The following LRRC37A3 variants were observed in gnomAD, a reference collection of about 807,000 sequenced individuals.
LRRC37A3 encodes the protein leucine-rich repeat-containing protein 37A3.
Under a neutral mutation model 106.2 loss-of-function variants are expected in LRRC37A3, and 25 were observed. The ratio of observed to expected loss-of-function variants is 0.24; its 90% CI spans 0.17 to 0.33. The LOEUF is 0.33. LRRC37A3 is among the 10% of genes least tolerant of loss of function. The probability of loss-of-function intolerance (pLI) is 1.00; values close to 1 mark genes in which losing one functional copy is unlikely to be tolerated. For synonymous variants in LRRC37A3, 305 were observed against 635.8 expected (o/e 0.48, Z 7.83); for missense variants, 712 against 1,644.9 (o/e 0.43, Z 9.81).
At chr17:64,913,921 CCT>C in intron 2 of LRRC37A3, among the ~76,000 whole-genome samples, 1 of 152,196 alleles carries the variant, frequency 6.6e-6, no homozygotes, top group East Asian at 1.9e-4. Flanking sequence ...ACCAACTTGA[CCT>C]AATTATTATT....
At chr17:64,879,346 T>C (rs1973614641) in intron 8 of LRRC37A3, among the ~76,000 whole-genome samples, 3 of 150,700 alleles carry the variant, frequency 2.0e-5, no homozygotes, top group Admixed American at 6.6e-5. Flanking sequence ...AGTCTCAATG[T>C]AACACAAAGA....
At chr17:64,859,312 T>C (rs1329771870) in intron 12 of LRRC37A3, 130 bp downstream of exon 12, 52 of 1,030,462 alleles carry the variant, frequency 5.0e-5, no homozygotes, top group Non-Finnish European at 7.1e-5. Context: ...GGGAGATCAC[T>C]GTCATGACCA....
chr17:64,879,665 G>C (rs1973627724), intron 8 of LRRC37A3, among the ~76,000 whole-genome samples: 1 of 152,064 alleles, frequency 6.6e-6, no homozygotes, highest in South Asian at 2.1e-4. Context: ...TATCCTTCGT[G>C]ATTTTTTTTG....
chr17:64,857,125 C>G (rs1293768266), intron 13 of LRRC37A3, among the ~76,000 whole-genome samples: 4 of 152,186 alleles, frequency 2.6e-5, no homozygotes, highest in Non-Finnish European at 5.9e-5. Context: ...AGAGAATCAA[C>G]TAAGATTTTA....
intron 13 of LRRC37A3, 85 bp downstream of exon 13, chr17:64,858,694 T>C: frequency 9.8e-7 from 1 of 1,020,350 alleles, no homozygotes; most frequent in Non-Finnish European, 1.6e-6. Flanking sequence ...GGTGGGAAAG[T>C]GGCTTTGGTT....
rs1359784176 is a variant in LRRC37A3 at position 64,860,919 on chromosome 17, G to A, written c.3227C>T (p.Ala1076Val). ...PEGAFMKVLQ[A>V]RKNYTSTELI... is the part of the protein sequence containing the mutation. ...CTCAGTGCTTGTGTAATTCTTCCGG[G>A]CTTGTAACACCTTCATGAACGCTCC... is the stretch of plus-strand genomic sequence containing the variant. The change falls in exon 12 of 15, where the codon GCC becomes GTC. Residue 1076 changes from alanine to valine, a missense_variant. By Grantham distance (64) the Ala-to-Val change is moderately conservative. Transcript: ENST00000584306. 1 of 1,614,084 alleles carries A rather than the reference G, an allele frequency of 6.2e-7. No homozygotes were observed. The highest frequency in any genetic ancestry group is 8.5e-7 in the Non-Finnish European group (1 of 1,179,962).
chr17:64,880,949 A>G (rs1973679375), intron 8 of LRRC37A3: 1 of 594,750 alleles, frequency 1.7e-6, no homozygotes, highest in South Asian at 2.0e-5. Context: ...AATAAATTTA[A>G]ATGACAAACT....
intron 8 of LRRC37A3, among the ~76,000 whole-genome samples, chr17:64,884,435 G>A (rs996619084): frequency 5.9e-5 from 9 of 151,336 alleles, no homozygotes; most frequent in East Asian, 1.9e-4. Flanking sequence ...GTGCCATCTC[G>A]GCTCACTGCA....
chr17:64,893,687 T>C (rs1160661918), intron 4 of LRRC37A3, among the ~76,000 whole-genome samples: 1 of 139,488 alleles, frequency 7.2e-6, no homozygotes, highest in African/African-American at 3.1e-5. Flanking sequence ...TCTTGCTCTG[T>C]CGCCCAGGCT....
At chr17:64,864,945 G>T (rs548246804) in intron 10 of LRRC37A3, among the ~76,000 whole-genome samples, 1 of 152,144 alleles carries the variant, frequency 6.6e-6, no homozygotes, top group Admixed American at 6.5e-5. Context: ...TGAGTTGGGG[G>T]TACAATGTAT....
At chr17:64,906,580 TC>T (rs1215180898) in intron 2 of LRRC37A3, among the ~76,000 whole-genome samples, 113 of 123,232 alleles carry the variant, frequency 9.2e-4, no homozygotes, top group Middle Eastern at 4.4e-3. Context: ...CTTTTTTCAT[TC>T]CCAGAACAAA....
intron 13 of LRRC37A3, among the ~76,000 whole-genome samples, chr17:64,857,990 T>C (rs1429003156): frequency 1.3e-5 from 2 of 152,222 alleles, no homozygotes; most frequent in Non-Finnish European, 2.9e-5. Flanking sequence ...TTGGGAAAAG[T>C]AATACATCAT....
rs1972806651 is a variant in LRRC37A3, at chr17:64,859,792, T to C, written c.4354A>G (p.Thr1452Ala). 1.2e-5 allele frequency: 19 copies of C among 1,612,176 alleles called. No individual in the cohort carries two copies. In the East Asian group the frequency reaches 4.2e-4, roughly 36 times the overall value. Residue 1452 changes from threonine to alanine, a missense_variant, in exon 12 of 15, where the codon ACT (threonine) becomes GCT (alanine). By Grantham distance (58) the Thr-to-Ala change is moderately conservative. Coordinates refer to ENST00000584306, the MANE Select transcript of LRRC37A3 (RefSeq NM_199340.5). Reference protein sequence around the residue: ...ETKWEYNNVGTDLSPEPKSFN... With the variant: ...ETKWEYNNVGADLSPEPKSFN... ...CTTTTGGGCTCGGGGGACAGGTCAGTGCCCACGTTGTTGTATTCCCATTTT... is the reference window on the plus strand; with the variant it reads ...CTTTTGGGCTCGGGGGACAGGTCAGCGCCCACGTTGTTGTATTCCCATTTT...
Position 64,905,047 on chromosome 17 carries a change from TATTA to T in LRRC37A3, c.-495-6592_-495-6589del, listed in dbSNP as rs530713135. On this transcript the variant is annotated intron_variant, in intron 2 of 14. Coordinates refer to ENST00000584306, the MANE Select transcript of LRRC37A3 (RefSeq NM_199340.5). The stretch of plus-strand genomic sequence containing the variant: ...AATAAATCAATTTATTAAATAAATT[TATTA>T]ATTAATAAATCAATGTATTAAATAA... 1.2e-3 allele frequency among the ~76,000 whole-genome samples: 186 copies of T among 150,656 alleles called. No homozygotes were observed. The East Asian group carries it at 0.014, about 12-fold the overall frequency.
At chr17:64,919,337 C>A in intron 1 of LRRC37A3, 94 bp downstream of exon 1, 1 of 425,788 alleles carries the variant, frequency 2.3e-6, no homozygotes, top group Non-Finnish European at 3.8e-6. Context: ...GCGGCCGGGG[C>A]CGGGTGGGGA....
intron 2 of LRRC37A3, among the ~76,000 whole-genome samples, chr17:64,899,419 CAAAAAAAAAA>C (rs71215666): frequency 3.0e-5 from 3 of 100,280 alleles, no homozygotes. Flanking sequence ...GACTCCATCT[CAAAAAAAAAA>C]AAAAAAAAAA....
intron 2 of LRRC37A3, among the ~76,000 whole-genome samples, chr17:64,904,071 G>A (rs1354509161): frequency 6.6e-6 from 1 of 151,114 alleles, no homozygotes; most frequent in East Asian, 2.0e-4. Flanking sequence ...CCTGGGAGGT[G>A]GAGGTTGCAG....
intron 12 of LRRC37A3, 116 bp from the exon 13 acceptor site, chr17:64,858,999 G>A: frequency 2.6e-6 from 2 of 756,030 alleles, no homozygotes; most frequent in South Asian, 3.2e-5. Context: ...TGTCACCCAG[G>A]CTGGGGTACA....
chr17:64,896,781 G>T lies in LRRC37A3; in HGVS notation c.477C>A (p.Ser159Arg). 4 of 1,608,242 alleles carry T rather than the reference G, an allele frequency of 2.5e-6. No individual in the cohort carries two copies. Among genetic ancestry groups the T allele is most frequent in the South Asian group, 1.1e-5 (1 of 91,078 alleles). ...KLKKDPAQRWSLAEIIGIIHQ... is the reference protein window; with the variant it reads ...KLKKDPAQRWRLAEIIGIIHQ... ...GTATAATTCCAATAATCTCAGCAAG[G>T]CTCCAACGCTGAGCTGGATCTTTCT... The change falls in exon 4 of 15, where the codon AGC becomes AGA. Residue 159 changes from serine to arginine, a missense_variant. Physicochemically the swap from Ser to Arg is moderately radical, Grantham distance 110 (BLOSUM62 -1). Transcript: ENST00000584306.
Sources: gnomAD v4.1 joint callset for allele counts (sites outside exome capture counted in the v4.1 genomes callset) on GRCh38, gnomAD v4.1.1 for gene constraint, MANE v1.5 for transcripts, NCBI Gene and HGNC (gene_info 2026-07-23, HGNC 2026-07-21) for gene names.